The following TMEM74 variants were observed in gnomAD, a reference collection of about 807,000 sequenced individuals.
TMEM74 encodes transmembrane protein 74.
Under a neutral mutation model 18.1 loss-of-function variants are expected in TMEM74, and 13 were observed. The ratio of observed to expected loss-of-function variants is 0.72; its 90% CI spans 0.47 to 1.14. The LOEUF (loss-of-function observed/expected upper bound fraction) is 1.14. TMEM74 is among the 50% of genes most tolerant of loss of function. TMEM74 has a pLI of 0.00. For synonymous variants in TMEM74, 159 were observed against 146.6 expected (o/e 1.08, Z -0.61); for missense variants, 372 against 375.9 (o/e 0.99, Z 0.09).
chr8:108,610,581 G>T (rs1812324509), intron 2 of TMEM74, among the ~76,000 whole-genome samples: 1 of 152,108 alleles, frequency 6.6e-6, no homozygotes, highest in Non-Finnish European at 1.5e-5. Flanking sequence ...AGTTGAGAAT[G>T]TGACATTTGG....
At chr8:108,690,425 A>T (rs1813214255) in intron 1 of TMEM74, among the ~76,000 whole-genome samples, 1 of 151,788 alleles carries the variant, frequency 6.6e-6, no homozygotes, top group South Asian at 2.1e-4. Flanking sequence ...CTTCCCCTGG[A>T]GAATGCCATC....
At chr8:108,727,519 A>C (rs967721744) in intron 1 of TMEM74, among the ~76,000 whole-genome samples, 1 of 152,194 alleles carries the variant, frequency 6.6e-6, no homozygotes, top group Admixed American at 6.5e-5. Flanking sequence ...TAGATTTGCC[A>C]TCAACTGAGA....
intron 1 of TMEM74, among the ~76,000 whole-genome samples, chr8:108,710,245 C>T (rs1198037303): frequency 3.3e-5 from 5 of 152,314 alleles, no homozygotes; most frequent in East Asian, 3.9e-4. Flanking sequence ...CAATGCTTAG[C>T]ATTGTCTGCT....
chr8:108,708,013 C>T (rs2349206), intron 1 of TMEM74, among the ~76,000 whole-genome samples: 2 of 151,816 alleles, frequency 1.3e-5, no homozygotes, highest in Admixed American at 6.6e-5. Context: ...GTAGTTTTTC[C>T]GTTCTCGCCC....
intron 1 of TMEM74, among the ~76,000 whole-genome samples, chr8:108,708,279 A>T (rs1161183185): frequency 6.8e-6 from 1 of 147,964 alleles, no homozygotes; most frequent in Non-Finnish European, 1.5e-5. Flanking sequence ...AATCCAGTCT[A>T]CTGTTGATGG....
chr8:108,722,251 G>T (rs1444120821), intron 1 of TMEM74, among the ~76,000 whole-genome samples: 1 of 152,182 alleles, frequency 6.6e-6, no homozygotes, highest in Non-Finnish European at 1.5e-5. Context: ...ATATTTACAG[G>T]TTTGGGGATT....
chr8:108,773,830 C>T (rs1000640636), intron 1 of TMEM74, among the ~76,000 whole-genome samples: 1 of 152,176 alleles, frequency 6.6e-6, no homozygotes, highest in Non-Finnish European at 1.5e-5. Context: ...CCTTAAAATG[C>T]CCGTAACCCT....
chr8:108,629,786 A>G (rs1436350475), intron 2 of TMEM74, among the ~76,000 whole-genome samples: 1 of 152,100 alleles, frequency 6.6e-6, no homozygotes, highest in Non-Finnish European at 1.5e-5. Flanking sequence ...GAAAATGCTG[A>G]GGGATTTTGT....
intron 2 of TMEM74, among the ~76,000 whole-genome samples, chr8:108,639,107 G>A (rs1405138227): frequency 1.3e-5 from 2 of 152,050 alleles, no homozygotes; most frequent in Admixed American, 6.6e-5. Flanking sequence ...CTGGGTAATC[G>A]CAGAAGCCTG....
chr8:108,661,151 G>A (rs896603699), intron 1 of TMEM74, among the ~76,000 whole-genome samples: 3 of 151,906 alleles, frequency 2.0e-5, no homozygotes, highest in Non-Finnish European at 4.4e-5. Flanking sequence ...TTTACTTTAA[G>A]CCTTTTCCTT....
chr8:108,614,941 T>C (rs753668192), intron 2 of TMEM74, among the ~76,000 whole-genome samples: 1 of 152,222 alleles, frequency 6.6e-6, no homozygotes, highest in Admixed American at 6.5e-5. Flanking sequence ...ATTGTATGAA[T>C]AGAATGTTCT....
chr8:108,607,135 C>T (rs2130529141), exon 4 of TMEM74: 1 of 152,278 alleles, frequency 6.6e-6, no homozygotes, highest in African/African-American at 2.4e-5. Context: ...CACACTTCAA[C>T]CCTGTGCTTT....
At chr8:108,753,365 T>G in intron 1 of TMEM74, among the ~76,000 whole-genome samples, 1 of 152,070 alleles carries the variant, frequency 6.6e-6, no homozygotes, top group East Asian at 1.9e-4. Flanking sequence ...TTATTATGCC[T>G]GGATGTCTAA....
At chr8:108,662,603 C>A (rs1230790846) in intron 1 of TMEM74, among the ~76,000 whole-genome samples, 1 of 152,124 alleles carries the variant, frequency 6.6e-6, no homozygotes, top group Non-Finnish European at 1.5e-5. Context: ...AGCCTGGCTC[C>A]ATAGATGCCC....
intron 1 of TMEM74, among the ~76,000 whole-genome samples, chr8:108,681,203 C>G (rs555529658): frequency 6.6e-6 from 1 of 152,030 alleles, no homozygotes; most frequent in Non-Finnish European, 1.5e-5. Flanking sequence ...GAGCCCGCAT[C>G]GCCAAGTCAA....
chr8:108,664,608 C>A (rs117263786), intron 1 of TMEM74, among the ~76,000 whole-genome samples: 1,684 of 152,180 alleles, frequency 0.011, 16 homozygotes, highest in Middle Eastern at 0.044. Flanking sequence ...TTATCTCTTT[C>A]TAATTGGATG....
At chr8:108,650,328 T>C (rs1455996702) in intron 2 of TMEM74, among the ~76,000 whole-genome samples, 4 of 152,200 alleles carry the variant, frequency 2.6e-5, no homozygotes, top group African/African-American at 7.2e-5. Context: ...CCCTCCAACA[T>C]TGTGCACCTG....
chr8:108,767,723 CT>C (rs1304680303), intron 1 of TMEM74, among the ~76,000 whole-genome samples: 5 of 152,116 alleles, frequency 3.3e-5, no homozygotes, highest in African/African-American at 1.2e-4. Flanking sequence ...GGGTTATTGA[CT>C]AATTTCAGGG....
intron 1 of TMEM74, among the ~76,000 whole-genome samples, chr8:108,681,623 T>C (rs1733672088): frequency 6.6e-6 from 1 of 152,172 alleles, no homozygotes; most frequent in African/African-American, 2.4e-5. Flanking sequence ...AAAGAAGTAC[T>C]GGGGCTTAGG....
Sources: allele counts gnomAD v4.1 joint callset (sites outside exome capture counted in the v4.1 genomes callset), GRCh38; gene constraint gnomAD v4.1.1; transcripts MANE v1.5; gene names NCBI Gene and HGNC (gene_info 2026-07-23, HGNC 2026-07-21).